The following APLP2 variants were observed in gnomAD, a reference collection of about 807,000 sequenced individuals.
APLP2 encodes CDEI box-binding protein.
A neutral mutation model predicts 89.9 loss-of-function variants in APLP2; 53 were observed. The observed-to-expected ratio is 0.59, with a 90% CI of 0.47 to 0.74. APLP2 has a LOEUF of 0.74. Ranked by LOEUF, APLP2 falls within the 30% of genes least tolerant of loss-of-function variation. The pLI is 0.00. For synonymous variants in APLP2, 372 were observed against 348.6 expected, an observed-to-expected ratio of 1.07 and a Z score of -0.75; for missense variants, 973 against 975.9, an observed-to-expected ratio of 1.00 and a Z score of 0.04.
At chr11:130,083,393 A>T (rs1351680365) in intron 1 of APLP2, among the ~76,000 whole-genome samples, 1 of 152,106 alleles carries the variant, frequency 6.6e-6, no homozygotes, top group Non-Finnish European at 1.5e-5. Context: ...TTTTAAGTGC[A>T]CAATGCAGTA....
At chr11:130,109,264 CT>C in intron 1 of APLP2, 164 bp from the exon 2 acceptor site, 2 of 546,368 alleles carry the variant, frequency 3.7e-6, no homozygotes, top group Non-Finnish European at 5.8e-6. Flanking sequence ...CCAGAAGTCA[CT>C]TTTTATTCTG....
In APLP2 at chr11:130,140,580, G is replaced by C. The variant is rs1591856170; in HGVS notation, c.1923+97G>C. 3 of 1,040,516 alleles carry C rather than the reference G, an allele frequency of 2.9e-6. No individual in the cohort carries two copies. The South Asian group carries it at 5.4e-5, about 19-fold the overall frequency. The allele number at this position is 1,040,516 out of a possible 1,614,324, so 64.5% of individuals were successfully genotyped here. On this transcript the variant is annotated intron_variant, in intron 14 of 16. Transcript: ENST00000338167. ...GATGCTTCCAGGTGCACGTCTCTGT[G>C]TTCGTTTTCCGCACAGTAGAAGGTT...
chr11:130,140,407 T>C lies in APLP2; in HGVS notation c.1847T>C (p.Val616Ala). The C allele has an allele frequency of 6.2e-7, 1 of 1,606,348 alleles. No individual in the cohort carries two copies. The highest frequency in any genetic ancestry group is 8.5e-7 in the Non-Finnish European group (1 of 1,176,692). ...ATCTCTCTCCACACAGGATCTGGAGTGGGAGAGCAGGATGGGGGACTGATC... is the reference window on the plus strand; with the variant it reads ...ATCTCTCTCCACACAGGATCTGGAGCGGGAGAGCAGGATGGGGGACTGATC... Reference protein sequence around the residue: ...PALPENEGSGVGEQDGGLIGA... With the variant: ...PALPENEGSGAGEQDGGLIGA... Residue 616 changes from valine (V) to alanine (A), a missense_variant, in exon 14 of 17, where the codon GTG becomes GCG. Transcript: ENST00000338167.
chr11:130,135,155 T>A (rs1393733116), intron 12 of APLP2, among the ~76,000 whole-genome samples: 2 of 151,400 alleles, frequency 1.3e-5, no homozygotes, highest in African/African-American at 4.9e-5. Flanking sequence ...AATATCGTAC[T>A]ATATACTAAA....
intron 1 of APLP2, among the ~76,000 whole-genome samples, chr11:130,101,140 G>T (rs1310752299): frequency 6.6e-6 from 1 of 152,162 alleles, no homozygotes; most frequent in Non-Finnish European, 1.5e-5. Context: ...TGTACAATGG[G>T]GCTTTACTGT....
chr11:130,126,022 C>CCTAT (rs1950333243), intron 7 of APLP2, among the ~76,000 whole-genome samples: 2 of 152,132 alleles, frequency 1.3e-5, no homozygotes, highest in South Asian at 4.2e-4. Flanking sequence ...ATCAAAAAGC[C>CCTAT]CTATCTTCAT....
At chr11:130,140,258 G>C in intron 13 of APLP2, 140 bp from the exon 14 acceptor site, 1 of 560,882 alleles carries the variant, frequency 1.8e-6, no homozygotes, top group Non-Finnish European at 3.1e-6. Flanking sequence ...TCAGACTTGT[G>C]AACATGGTGG....
rs1940519011 is a variant in APLP2 at position 130,069,923 on chromosome 11, G to GA, written c.-54dup. ...GCTTCTGGGTCGCGGTGTGCTAAGC[G>GA]AGGAGTCCGAGTGTGTGAGCTTGAG... is the stretch of plus-strand genomic sequence containing the variant. On this transcript the variant is annotated 5_prime_UTR_variant, in exon 1 of 17. It removes the in-frame stop codon of an upstream open reading frame in the 5' UTR. Transcript: ENST00000338167. 2.3e-6 allele frequency: 3 copies of GA among 1,332,590 alleles called. No individual in the cohort carries two copies. The South Asian group carries it at 3.9e-5, about 17-fold the overall frequency. 82.5% of individuals were successfully genotyped at this position (1,332,590 alleles called of 1,614,324 possible). A position where few individuals can be genotyped will look rare whatever the true frequency, so the allele number is the denominator to read the frequency against.
intron 1 of APLP2, among the ~76,000 whole-genome samples, chr11:130,105,480 A>G (rs1947562735): frequency 6.6e-6 from 1 of 152,228 alleles, no homozygotes; most frequent in Non-Finnish European, 1.5e-5. Context: ...TGTCATGTAT[A>G]TGCTGTTTTT....
chr11:130,125,451 C>G (rs1950268392), intron 7 of APLP2, among the ~76,000 whole-genome samples: 1 of 152,130 alleles, frequency 6.6e-6, no homozygotes, highest in Admixed American at 6.5e-5. Context: ...TGGCATTTAC[C>G]AAGTTATCGA....
At chr11:130,121,219 C>T (rs991168307) in intron 4 of APLP2, among the ~76,000 whole-genome samples, 3 of 152,164 alleles carry the variant, frequency 2.0e-5, no homozygotes, top group Non-Finnish European at 1.5e-5. Flanking sequence ...CCTTTCTTGT[C>T]TTCTGTAATT....
chr11:130,113,257 C>A (rs182180082), intron 3 of APLP2, among the ~76,000 whole-genome samples: 220 of 152,278 alleles, frequency 1.4e-3, no homozygotes, highest in African/African-American at 4.7e-3. Flanking sequence ...TGGTACACAA[C>A]AGAAATTTTA....
intron 1 of APLP2, among the ~76,000 whole-genome samples, chr11:130,077,401 A>G (rs1338778675): frequency 1.3e-5 from 2 of 152,148 alleles, no homozygotes; most frequent in Admixed American, 1.3e-4. Context: ...ATTTTCACAT[A>G]TTTTATGCTT....
In APLP2 at chr11:130,121,826, T is replaced by C; in HGVS notation, c.713+16T>C. On this transcript the variant is annotated intron_variant, in intron 5 of 16. Coordinates refer to ENST00000338167, the MANE Select transcript of APLP2 (RefSeq NM_001142276.2). ...TTTATAAAAGGTAACTCTTCTACTT[T>C]GAACTGTGAAGTCGTTTTGCCTTTT... 1 of 1,603,572 alleles carries C rather than the reference T, an allele frequency of 6.2e-7. No individual in the cohort carries two copies. The highest frequency in any genetic ancestry group is 8.5e-7 in the Non-Finnish European group (1 of 1,178,758).
In APLP2 at chr11:130,123,743, T is replaced by A. The variant is rs911773425; in HGVS notation, c.1054T>A (p.Ser352Thr). 3.7e-6 allele frequency: 6 copies of A among 1,614,156 alleles called. No homozygotes were observed. Among genetic ancestry groups the A allele is most frequent in the Non-Finnish European group, 5.1e-6 (6 of 1,180,030 alleles). The change falls in exon 7 of 17, where the codon TCT (serine) becomes ACT (threonine). Residue 352 changes from serine (S) to threonine (T), a missense_variant. Physicochemically the swap from Ser to Thr is moderately conservative, Grantham distance 58 (BLOSUM62 1). Coordinates refer to ENST00000338167, the MANE Select transcript of APLP2 (RefSeq NM_001142276.2). This position sits in a 1 kb window ranked among gnomAD's most constrained non-coding sequence, Gnocchi z 4.0. ...GCGGNRNNFE[S>T]EDYCMAVCKA... ...CGGCGGCAACAGGAACAATTTTGAGTCTGAGGATTATTGTATGGCTGTGTG... is the reference window on the plus strand; with the variant it reads ...CGGCGGCAACAGGAACAATTTTGAGACTGAGGATTATTGTATGGCTGTGTG...
chr11:130,121,751 G>GGAAGAT lies in APLP2; in HGVS notation c.660_665dup (p.Asp220_Glu221dup). ...GATCTGTGTCAAAAGAAGAGGAAGAGGAAGATGAAGAGGAAGAGGAAGAGG... is the reference window on the plus strand; with the variant it reads ...GATCTGTGTCAAAAGAAGAGGAAGAGGAAGATGAAGATGAAGAGGAAGAGGAAGAGG... On this transcript the variant is annotated inframe_insertion, in exon 5 of 17. Coordinates refer to ENST00000338167, the MANE Select transcript of APLP2 (RefSeq NM_001142276.2). The GGAAGAT allele has an allele frequency of 1.2e-6, 2 of 1,610,680 alleles. No homozygotes were observed. Among genetic ancestry groups the GGAAGAT allele is most frequent in the South Asian group, 1.1e-5 (1 of 90,980 alleles).
Position 130,141,959 on chromosome 11 carries a change from G to T in APLP2, c.2039G>T (p.Ser680Ile). The change falls in exon 16 of 17, where the codon AGC (serine) becomes ATC (isoleucine). Residue 680 changes from serine (S) to isoleucine (I), a missense_variant. Transcript: ENST00000338167. The surrounding 1 kb of genome is among the most constrained non-coding windows in gnomAD (Gnocchi z 4.2). ...GPLREDFSLS[S>I]SALIGLLVIA... ...CTGCGGGAGGACTTCAGTCTGAGTAGCAGTGCTCTCATTGGCCTGCTGGTC... is the reference window on the plus strand; with the variant it reads ...CTGCGGGAGGACTTCAGTCTGAGTATCAGTGCTCTCATTGGCCTGCTGGTC... The T allele has an allele frequency of 1.2e-6, 2 of 1,614,100 alleles. No homozygotes were observed. Among genetic ancestry groups the T allele is most frequent in the Non-Finnish European group, 1.7e-6 (2 of 1,179,978 alleles).
In APLP2 at chr11:130,121,735, CAAA is replaced by C. The variant is rs1371292453; in HGVS notation, c.640_642del (p.Lys214del). 5 of 1,613,180 alleles carry C rather than the reference CAAA, an allele frequency of 3.1e-6. No individual in the cohort carries two copies. The highest frequency in any genetic ancestry group is 1.3e-5 in the African/African-American group (1 of 74,410). On this transcript the variant is annotated inframe_deletion, in exon 5 of 17. Transcript: ENST00000338167. ...CAGACAAAGATTATTGGATCTGTGT[CAAA>C]AGAAGAGGAAGAGGAAGATGAAGAG...
chr11:130,140,576 C>T, intron 14 of APLP2, 93 bp downstream of exon 14: 1 of 1,074,340 alleles, frequency 9.3e-7, no homozygotes, highest in East Asian at 2.7e-5. Flanking sequence ...GTGCACGTCT[C>T]TGTGTTCGTT....
Sources: gnomAD v4.1 joint callset for allele counts (sites outside exome capture counted in the v4.1 genomes callset) on GRCh38, gnomAD v4.1.1 for gene constraint, Gnocchi (gnomAD v3.1) non-coding constraint, MANE v1.5 for transcripts, NCBI Gene and HGNC (gene_info 2026-07-23, HGNC 2026-07-21) for gene names.